The following PPARGC1A variants were observed in gnomAD, a reference collection of about 807,000 sequenced individuals.
The protein encoded by PPARGC1A is peroxisome proliferator-activated receptor gamma coactivator 1-alpha.
PPARGC1A carries 25 observed loss-of-function variants against 88.7 expected under a neutral mutation model. The observed-to-expected ratio is 0.28, with a 90% CI of 0.21 to 0.39. The LOEUF is 0.39. Ranked by LOEUF, PPARGC1A falls within the 10% of genes least tolerant of loss-of-function variation. The pLI, the probability that PPARGC1A is intolerant of heterozygous loss-of-function variation, is 1.00. For synonymous variants in PPARGC1A, 363 were observed against 355.6 expected (o/e 1.02, Z -0.24); for missense variants, 880 against 968.7 (o/e 0.91, Z 1.22).
chr4:24,384,433 A>C, the PPARGC1A span, among the ~76,000 whole-genome samples: 2 of 152,080 alleles, frequency 1.3e-5, no homozygotes, highest in Non-Finnish European at 2.9e-5. Context: ...AAAGACACAG[A>C]CTGGCAAATT....
chr4:24,032,417 C>T, the PPARGC1A span, among the ~76,000 whole-genome samples: 2 of 152,160 alleles, frequency 1.3e-5, no homozygotes, highest in Admixed American at 1.3e-4. Flanking sequence ...TCATAGAGCT[C>T]ACCCAGCTCC....
At chr4:23,865,697 A>G (rs930367083) in intron 2 of PPARGC1A, among the ~76,000 whole-genome samples, 1 of 152,156 alleles carries the variant, frequency 6.6e-6, no homozygotes, top group African/African-American at 2.4e-5. Context: ...CCTTGCACAT[A>G]ATAATATGAA....
the PPARGC1A span, among the ~76,000 whole-genome samples, chr4:24,322,593 C>T: frequency 2.6e-5 from 4 of 152,200 alleles, no homozygotes; most frequent in Admixed American, 2.0e-4. Context: ...CTGCTACAGA[C>T]AGTGTTGTGC....
the PPARGC1A span, among the ~76,000 whole-genome samples, chr4:24,139,456 G>A: frequency 6.6e-6 from 1 of 152,014 alleles, no homozygotes; most frequent in Non-Finnish European, 1.5e-5. Context: ...AAAATCAACT[G>A]ACTTAAAATC....
At chr4:24,317,554 C>CAAAAAAAAAAAAAAAAAA in the PPARGC1A span, among the ~76,000 whole-genome samples, 4 of 14,286 alleles carry the variant, frequency 2.8e-4, no homozygotes, top group Non-Finnish European at 7.8e-4. Context: ...GTTCAGAGGA[C>CAAAAAAAAAAAAAAAAAA]TAAAAAAAAA....
At chr4:24,223,408 C>T in the PPARGC1A span, among the ~76,000 whole-genome samples, 2 of 152,048 alleles carry the variant, frequency 1.3e-5, no homozygotes, top group African/African-American at 4.8e-5. Flanking sequence ...CGCAACCATA[C>T]CTGGCTAATT....
chr4:23,920,172 T>TA, the PPARGC1A span, among the ~76,000 whole-genome samples: 1 of 152,188 alleles, frequency 6.6e-6, no homozygotes, highest in South Asian at 2.1e-4. Context: ...CTATTGATTT[T>TA]AAAAAGATAA....
the PPARGC1A span, among the ~76,000 whole-genome samples, chr4:24,281,501 G>C: frequency 0.48 from 72,826 of 151,910 alleles, 17,716 homozygotes; most frequent in African/African-American, 0.57. Flanking sequence ...AGAACTCACC[G>C]CAGAGAGAGG....
At chr4:24,064,873 T>C in the PPARGC1A span, among the ~76,000 whole-genome samples, 2 of 152,278 alleles carry the variant, frequency 1.3e-5, no homozygotes, top group African/African-American at 4.8e-5. Flanking sequence ...AGGCCTCACT[T>C]ACAATCCAGG....
the PPARGC1A span, among the ~76,000 whole-genome samples, chr4:24,027,209 GTGTGTGTGTC>G: frequency 2.0e-5 from 3 of 148,414 alleles, no homozygotes; most frequent in African/African-American, 4.9e-5. Flanking sequence ...GTGTGTGTGT[GTGTGTGTGTC>G]TGTGTGTCTG....
At chr4:24,457,707 G>T in the PPARGC1A span, among the ~76,000 whole-genome samples, 603 of 151,862 alleles carry the variant, frequency 4.0e-3, 5 homozygotes, top group African/African-American at 0.014. Flanking sequence ...ACCACGCCTG[G>T]CTAATTTATT....
the PPARGC1A span, chr4:24,091,515 G>T: frequency 2.0e-6 from 2 of 985,210 alleles, no homozygotes; most frequent in Non-Finnish European, 1.2e-6. Flanking sequence ...TCTTCTTCCA[G>T]CCTTGGGGAG....
the PPARGC1A span, among the ~76,000 whole-genome samples, chr4:24,130,024 G>A: frequency 6.6e-6 from 1 of 152,130 alleles, no homozygotes; most frequent in East Asian, 1.9e-4. Context: ...GGGAGGGACA[G>A]CATTTGGAGA....
At chr4:24,120,643 G>A in the PPARGC1A span, among the ~76,000 whole-genome samples, 1 of 152,138 alleles carries the variant, frequency 6.6e-6, no homozygotes, top group South Asian at 2.1e-4. Context: ...AACCACCAAG[G>A]TGATGGTATT....
the PPARGC1A span, among the ~76,000 whole-genome samples, chr4:24,206,885 G>A: frequency 7.4e-6 from 1 of 134,998 alleles, no homozygotes; most frequent in Non-Finnish European, 1.6e-5. Context: ...AGCTAACATT[G>A]GGTTGCAATG....
the PPARGC1A span, among the ~76,000 whole-genome samples, chr4:24,327,370 C>T: frequency 6.6e-6 from 1 of 152,220 alleles, no homozygotes; most frequent in East Asian, 1.9e-4. Flanking sequence ...GCCTTCACAG[C>T]TGATATCTCC....
At chr4:24,370,749 C>CTATT in the PPARGC1A span, among the ~76,000 whole-genome samples, 1 of 62,868 alleles carries the variant, frequency 1.6e-5, no homozygotes, top group South Asian at 7.1e-4. Flanking sequence ...CTGTCTCTCT[C>CTATT]TTTTTTTTTT....
the PPARGC1A span, among the ~76,000 whole-genome samples, chr4:24,015,056 A>C: frequency 1.3e-5 from 2 of 152,120 alleles, no homozygotes; most frequent in Admixed American, 6.5e-5. Flanking sequence ...ACAAGGAAAA[A>C]TGGGTGGAGA....
the PPARGC1A span, among the ~76,000 whole-genome samples, chr4:24,367,113 GAGA>G: frequency 6.6e-6 from 1 of 152,190 alleles, no homozygotes; most frequent in Non-Finnish European, 1.5e-5. Context: ...TTGCTGTCAA[GAGA>G]AGCATTTGGG....
Sources: gnomAD v4.1 joint callset for allele counts (sites outside exome capture counted in the v4.1 genomes callset) on GRCh38, gnomAD v4.1.1 for gene constraint, MANE v1.5 for transcripts, NCBI Gene and HGNC (gene_info 2026-07-23, HGNC 2026-07-21) for gene names.